The following DDX4 variants were observed in gnomAD, a reference collection of about 807,000 sequenced individuals.
DDX4 encodes probable ATP-dependent RNA helicase DDX4.
A neutral mutation model predicts 100.0 loss-of-function variants in DDX4; 25 were observed. The observed-to-expected ratio is 0.25, with a 90% CI of 0.18 to 0.35. DDX4 has a LOEUF of 0.35. Ranked by LOEUF, DDX4 falls within the 10% of genes least tolerant of loss-of-function variation. The pLI, the probability that DDX4 is intolerant of heterozygous loss-of-function variation, is 1.00. For synonymous variants in DDX4, 259 were observed against 275.7 expected, an observed-to-expected ratio of 0.94 and a Z score of 0.60; for missense variants, 635 against 882.4, an observed-to-expected ratio of 0.72 and a Z score of 3.55.
Position 55,790,710 on chromosome 5 carries a change from G to A in DDX4, c.1302+5G>A, listed in dbSNP as rs534934971. The A allele has an allele frequency of 7.6e-5, 122 of 1,610,744 alleles. No individual in the cohort carries two copies. In the South Asian group the frequency reaches 1.2e-3, roughly 15 times the overall value. ...GATATCATAGGCAAAGAAAAGGTACGCCTTATAGGAATAATGAAGTTGTGA... is the reference window on the plus strand; with the variant it reads ...GATATCATAGGCAAAGAAAAGGTACACCTTATAGGAATAATGAAGTTGTGA... On this transcript the variant is annotated splice_donor_5th_base_variant and intron_variant, in intron 16 of 21. Coordinates refer to ENST00000505374, the MANE Select transcript of DDX4 (RefSeq NM_024415.3).
At chr5:55,747,434 G>C (rs1344206804) in intron 3 of DDX4, among the ~76,000 whole-genome samples, 1 of 152,116 alleles carries the variant, frequency 6.6e-6, no homozygotes, top group Non-Finnish European at 1.5e-5. Context: ...TGTGCCTGTA[G>C]TCCTAACTAC....
At chr5:55,746,107 A>G (rs1231605393) in intron 2 of DDX4, 57 bp from the exon 3 acceptor site, 1 of 1,334,794 alleles carries the variant, frequency 7.5e-7, no homozygotes, top group African/African-American at 1.5e-5. Context: ...TTGTGAAATA[A>G]ATGACACGTT....
intron 10 of DDX4, chr5:55,782,456 G>T: frequency 6.4e-6 from 1 of 156,382 alleles, no homozygotes. Context: ...AACTTAGCTG[G>T]GCATGGTGGT....
At chr5:55,758,827 A>G (rs1461423522) in intron 3 of DDX4, among the ~76,000 whole-genome samples, 1 of 148,036 alleles carries the variant, frequency 6.8e-6, no homozygotes, top group Non-Finnish European at 1.5e-5. Context: ...CGAAGAACCA[A>G]GTTTTGGCCT....
chr5:55,816,636 A>C lies in DDX4; in HGVS notation c.*96A>C. The stretch of plus-strand genomic sequence containing the variant: ...CAGAAGTATAAAACTTAACATTCTC[A>C]TAGCTCCTGTCCTTGTATTCTCACT... On this transcript the variant is annotated 3_prime_UTR_variant, in exon 22 of 22. Transcript: ENST00000505374. 3.3e-6 allele frequency: 5 copies of C among 1,530,664 alleles called. No homozygotes were observed. The highest frequency in any genetic ancestry group is 4.4e-6 in the Non-Finnish European group (5 of 1,136,290). 94.8% of individuals were successfully genotyped at this position (1,530,664 alleles called of 1,614,324 possible).
chr5:55,744,633 G>A (rs975499321), intron 2 of DDX4, among the ~76,000 whole-genome samples: 2 of 152,200 alleles, frequency 1.3e-5, no homozygotes, highest in African/African-American at 4.8e-5. Context: ...CTAATGTAAT[G>A]CATGTGTGTT....
intron 18 of DDX4, among the ~76,000 whole-genome samples, chr5:55,805,337 C>G (rs75618773): frequency 0.11 from 16,061 of 151,140 alleles, 1,103 homozygotes; most frequent in East Asian, 0.28. Flanking sequence ...CCTAATTGCC[C>G]TGGCCAGAAC....
chr5:55,811,277 T>C (rs1167665598), intron 18 of DDX4, among the ~76,000 whole-genome samples: 3 of 152,148 alleles, frequency 2.0e-5, no homozygotes. Context: ...AAATTCAGTT[T>C]CCAAGTTTTA....
intron 17 of DDX4, among the ~76,000 whole-genome samples, chr5:55,794,457 C>G (rs761117075): frequency 8.6e-5 from 13 of 151,736 alleles, no homozygotes; most frequent in Non-Finnish European, 1.8e-4. Context: ...ACCTCAGCCT[C>G]CCAGAGTGCT....
chr5:55,804,917 A>G (rs1374873107), intron 18 of DDX4, among the ~76,000 whole-genome samples: 1 of 151,718 alleles, frequency 6.6e-6, no homozygotes, highest in Non-Finnish European at 1.5e-5. Flanking sequence ...CTTGGGCAGT[A>G]TGGCCATTTT....
intron 6 of DDX4, among the ~76,000 whole-genome samples, chr5:55,764,427 A>G (rs576658959): frequency 1.3e-5 from 2 of 152,194 alleles, no homozygotes; most frequent in Non-Finnish European, 2.9e-5. Flanking sequence ...AATCTAAGAA[A>G]AAGTTTCATG....
At chr5:55,773,647 G>A (rs374008616) in intron 7 of DDX4, among the ~76,000 whole-genome samples, 3 of 151,694 alleles carry the variant, frequency 2.0e-5, no homozygotes, top group African/African-American at 7.3e-5. Context: ...ATTTTTTTGA[G>A]ACAGGGTCTT....
chr5:55,808,276 C>T (rs1372962769), intron 18 of DDX4, among the ~76,000 whole-genome samples: 3 of 152,182 alleles, frequency 2.0e-5, no homozygotes, highest in African/African-American at 7.2e-5. Context: ...CCTCCTTTAG[C>T]TCTGAGTAGT....
chr5:55,748,750 GAAATA>G (rs1759380254), intron 3 of DDX4, among the ~76,000 whole-genome samples: 2 of 152,130 alleles, frequency 1.3e-5, no homozygotes, highest in South Asian at 4.1e-4. Context: ...GAAAAAGGGA[GAAATA>G]AAATATGAAA....
intron 18 of DDX4, among the ~76,000 whole-genome samples, chr5:55,809,936 C>G (rs1445794635): frequency 6.6e-6 from 1 of 152,130 alleles, no homozygotes; most frequent in Non-Finnish European, 1.5e-5. Flanking sequence ...TATAGAATTA[C>G]TTTATAGAAT....
intron 3 of DDX4, among the ~76,000 whole-genome samples, chr5:55,751,390 T>C (rs1200425075): frequency 6.6e-6 from 1 of 152,104 alleles, no homozygotes. Flanking sequence ...TGCACCACCA[T>C]GTCTGGCTGA....
chr5:55,790,204 G>A (rs1742481529), intron 15 of DDX4, among the ~76,000 whole-genome samples: 1 of 147,012 alleles, frequency 6.8e-6, no homozygotes, highest in South Asian at 2.2e-4. Flanking sequence ...GAGTAGAGTG[G>A]TGGGATCTCG....
At chr5:55,766,999 T>C in intron 6 of DDX4, 2 of 1,525,448 alleles carry the variant, frequency 1.3e-6, no homozygotes, top group Non-Finnish European at 1.7e-6. Flanking sequence ...TATAGTAATC[T>C]CTCATACTAC....
At chr5:55,742,012 A>T (rs942353938) in intron 2 of DDX4, 12 of 358,716 alleles carry the variant, frequency 3.3e-5, no homozygotes, top group South Asian at 6.4e-5. Flanking sequence ...TAATGTTGAC[A>T]TACGCTTATA....
Sources: allele counts gnomAD v4.1 joint callset (sites outside exome capture counted in the v4.1 genomes callset), GRCh38; gene constraint gnomAD v4.1.1; transcripts MANE v1.5; gene names NCBI Gene and HGNC (gene_info 2026-07-23, HGNC 2026-07-21).